Variants in VWA8 observed in about 807,000 individuals in gnomAD.
The protein encoded by VWA8 is von Willebrand factor A domain-containing protein 8.
In VWA8, 221 loss-of-function variants were observed where a neutral mutation model predicts 241.5. The ratio of observed to expected loss-of-function variants is 0.91; its 90% CI spans 0.82 to 1.02. The LOEUF (loss-of-function observed/expected upper bound fraction) is 1.02. Among genes scored for constraint, VWA8 ranks in the 50% least tolerant of loss-of-function variants. The pLI is 0.00. For synonymous variants in VWA8, 852 were observed against 827.1 expected (o/e 1.03, Z -0.52); for missense variants, 2,322 against 2,328.7 (o/e 1.00, Z 0.06).
chr13:41,763,435 A>C (rs1490456911), intron 20 of VWA8, among the ~76,000 whole-genome samples: 1 of 152,196 alleles, frequency 6.6e-6, no homozygotes, highest in Non-Finnish European at 1.5e-5. Flanking sequence ...TGACAAATTC[A>C]CTTAAGTTAG....
chr13:41,592,076 G>A (rs550717702), intron 40 of VWA8, among the ~76,000 whole-genome samples: 3,632 of 150,544 alleles, frequency 0.024, 153 homozygotes, highest in African/African-American at 0.085. Flanking sequence ...CAAATGTCCA[G>A]CAACGATAGA....
chr13:41,592,352 G>C (rs2044461110), intron 40 of VWA8, among the ~76,000 whole-genome samples: 1 of 149,446 alleles, frequency 6.7e-6, no homozygotes, highest in Non-Finnish European at 1.5e-5. Context: ...AGCTTTGGGA[G>C]ATATACCTAA....
chr13:41,952,466 T>TTAA (rs1878178660), intron 1 of VWA8, among the ~76,000 whole-genome samples: 1 of 152,244 alleles, frequency 6.6e-6, no homozygotes, highest in Non-Finnish European at 1.5e-5. Flanking sequence ...ATCTACTGGC[T>TTAA]TTTATTACAG....
intron 35 of VWA8, among the ~76,000 whole-genome samples, chr13:41,678,815 T>C (rs1001641710): frequency 2.6e-5 from 4 of 152,224 alleles, no homozygotes; most frequent in Non-Finnish European, 4.4e-5. Flanking sequence ...TTAAGAACTA[T>C]TTTCATATAT....
chr13:41,924,887 G>A (rs1214398751), intron 2 of VWA8, among the ~76,000 whole-genome samples: 4 of 152,032 alleles, frequency 2.6e-5, no homozygotes, highest in Non-Finnish European at 5.9e-5. Context: ...CCAAGTATTG[G>A]AAGATATATG....
intron 20 of VWA8, among the ~76,000 whole-genome samples, chr13:41,762,534 T>C (rs2045748381): frequency 1.3e-5 from 2 of 152,174 alleles, no homozygotes; most frequent in Non-Finnish European, 2.9e-5. Context: ...AGTTTGAAAT[T>C]GATTTTGGTA....
chr13:41,875,382 T>A (rs952348068), intron 9 of VWA8, among the ~76,000 whole-genome samples: 4 of 152,108 alleles, frequency 2.6e-5, no homozygotes, highest in African/African-American at 7.2e-5. Context: ...CCCTTCTGCC[T>A]ATAAAAATGT....
chr13:41,778,629 C>A (rs2137929965), intron 19 of VWA8, among the ~76,000 whole-genome samples: 1 of 151,822 alleles, frequency 6.6e-6, no homozygotes, highest in African/African-American at 2.4e-5. Context: ...AAATAAGACA[C>A]CTGTAAGTAG....
At chr13:41,594,996 C>G (rs938070972) in intron 40 of VWA8, among the ~76,000 whole-genome samples, 1 of 152,076 alleles carries the variant, frequency 6.6e-6, no homozygotes, top group East Asian at 1.9e-4. Context: ...AGGGAGAAAC[C>G]GCTACATTTC....
chr13:41,833,491 A>G lies in VWA8; in HGVS notation c.1466T>C (p.Leu489Pro), dbSNP rs771309683. ...CCGCCAGGCAGTGTCTCCATTTGGA[A>G]GGGTGTATCTCTGCTGTAGCAGATC... ...ARDLLQQRYT[L>P]PNGDTAWRSS... The change falls in exon 13 of 45, where the codon CTT becomes CCT. Residue 489 changes from leucine to proline, a missense_variant. Transcript: ENST00000379310. 2.5e-6 allele frequency: 4 copies of G among 1,613,810 alleles called. No homozygotes were observed. The East Asian group carries it at 8.9e-5, about 36-fold the overall frequency.
Position 41,607,607 on chromosome 13 carries a change from A to G in VWA8, c.4878-2331T>C, listed in dbSNP as rs2044561291. ...TCTCAAATAAGTGAGATTAGCACTG[A>G]TTAGAAACAAATGTAGACACAGCTG... On this transcript the variant is annotated intron_variant, in intron 39 of 44. Coordinates refer to ENST00000379310, the MANE Select transcript of VWA8 (RefSeq NM_015058.2). Among the ~76,000 whole-genome samples, 4 of 152,154 alleles carry G rather than the reference A, an allele frequency of 2.6e-5. No individual in the cohort carries two copies. In the South Asian group the frequency reaches 8.3e-4, roughly 32 times the overall value.
chr13:41,869,510 T>TA (rs1023545879), intron 9 of VWA8, among the ~76,000 whole-genome samples: 2 of 151,850 alleles, frequency 1.3e-5, no homozygotes, highest in African/African-American at 4.8e-5. Context: ...CACGCACCTG[T>TA]AGTCCCAGCT....
Position 41,689,286 on chromosome 13 carries a change from C to A in VWA8, c.4131+68G>T, listed in dbSNP as rs528324648. On this transcript the variant is annotated intron_variant, in intron 34 of 44. Coordinates refer to ENST00000379310, the MANE Select transcript of VWA8 (RefSeq NM_015058.2). ...TGTTTTTAATTACCCCTCAAACAGG[C>A]TTACAGATTATAGGTCAAACTAAGG... The A allele has an allele frequency of 1.1e-3, 1,622 of 1,504,608 alleles. 2 individuals carry two copies. Among genetic ancestry groups the A allele is most frequent in the South Asian group, 2.5e-3 (187 of 73,802 alleles). 93.2% of individuals were successfully genotyped at this position (1,504,608 alleles called of 1,614,324 possible). A position where few individuals can be genotyped will look rare whatever the true frequency, so the allele number is the denominator to read the frequency against.
intron 26 of VWA8, among the ~76,000 whole-genome samples, chr13:41,705,184 C>T (rs188679740): frequency 6.6e-6 from 1 of 151,652 alleles, no homozygotes; most frequent in Non-Finnish European, 1.5e-5. Flanking sequence ...AAAGCACACA[C>T]ACACTTTTGA....
intron 17 of VWA8, chr13:41,808,005 G>A (rs1188290695): frequency 6.6e-6 from 1 of 151,690 alleles, no homozygotes; most frequent in Non-Finnish European, 1.5e-5. Context: ...AAAATAAAGG[G>A]ACAGAAAAAA....
At chr13:41,906,401 T>A (rs778083279) in intron 4 of VWA8, among the ~76,000 whole-genome samples, 4 of 152,146 alleles carry the variant, frequency 2.6e-5, no homozygotes, top group Non-Finnish European at 5.9e-5. Context: ...TTTCAATGTA[T>A]AAACAAACAT....
intron 14 of VWA8, among the ~76,000 whole-genome samples, chr13:41,825,471 C>A (rs1407681580): frequency 1.3e-5 from 2 of 151,936 alleles, no homozygotes; most frequent in Non-Finnish European, 2.9e-5. Flanking sequence ...AGAAGTTGTC[C>A]TAGGAGTACT....
Position 41,615,089 on chromosome 13 carries a change from A to T in VWA8, c.4612-5T>A. On this transcript the variant is annotated splice_region_variant and splice_polypyrimidine_tract_variant and intron_variant, in intron 37 of 44. Transcript: ENST00000379310. ...ACTGTCTCTGTTGATTGTTATCTAA[A>T]AATGAACAATTGAGACATTTTTACT... 6.2e-7 allele frequency: 1 copy of T among 1,613,778 alleles called. No individual in the cohort carries two copies. Among genetic ancestry groups the T allele is most frequent in the Middle Eastern group, 1.7e-4 (1 of 6,016 alleles).
chr13:41,594,581 C>CA (rs1025923375), intron 40 of VWA8, among the ~76,000 whole-genome samples: 7 of 151,532 alleles, frequency 4.6e-5, no homozygotes, highest in East Asian at 1.9e-4. Context: ...TAGTTGATGG[C>CA]AAAAAAAAGT....
Sources: gnomAD v4.1 joint callset for allele counts (sites outside exome capture counted in the v4.1 genomes callset) on GRCh38, gnomAD v4.1.1 for gene constraint, MANE v1.5 for transcripts, NCBI Gene and HGNC (gene_info 2026-07-23, HGNC 2026-07-21) for gene names.